ASIC2: variants seen among roughly 807,000 people sequenced by gnomAD.
The protein encoded by ASIC2 is acid sensing ion channel subunit 2, also known as acid-sensing ion channel 2.
In ASIC2, 25 loss-of-function variants were observed where a neutral mutation model predicts 57.3. The observed-to-expected ratio is 0.44, with a 90% CI of 0.32 to 0.61. The LOEUF (loss-of-function observed/expected upper bound fraction) is 0.61. ASIC2 is among the 20% of genes least tolerant of loss of function. The pLI is 0.06. For missense variants in ASIC2, 641 were observed against 738.1 expected (o/e 0.87, Z 1.52); for synonymous variants, 319 against 307.5 (o/e 1.04, Z -0.39).
intron 1 of ASIC2, among the ~76,000 whole-genome samples, chr17:33,451,336 C>T (rs1301489048): frequency 1.3e-5 from 2 of 152,128 alleles, no homozygotes; most frequent in Non-Finnish European, 2.9e-5. Context: ...GATTTACAGG[C>T]ATGAGCTACC....
chr17:33,155,534 T>TTTG (rs1368262081), intron 1 of ASIC2, among the ~76,000 whole-genome samples: 3 of 151,534 alleles, frequency 2.0e-5, no homozygotes, highest in African/African-American at 7.3e-5. Flanking sequence ...CTTACTTTTT[T>TTTG]TTTTTCTTTT....
At chr17:33,749,896 A>AGTG (rs1432851610) in intron 1 of ASIC2, among the ~76,000 whole-genome samples, 1 of 152,086 alleles carries the variant, frequency 6.6e-6, no homozygotes, top group African/African-American at 2.4e-5. Context: ...CCATGCTGCC[A>AGTG]ACTCCAAGGC....
intron 1 of ASIC2, among the ~76,000 whole-genome samples, chr17:33,831,396 C>T (rs919309867): frequency 1.3e-5 from 2 of 151,988 alleles, no homozygotes; most frequent in Non-Finnish European, 2.9e-5. Context: ...TGGGAAAGTT[C>T]CACAGTATCA....
chr17:33,545,181 A>G (rs993293702), intron 1 of ASIC2, among the ~76,000 whole-genome samples: 12 of 152,252 alleles, frequency 7.9e-5, no homozygotes, highest in Admixed American at 6.5e-4. Flanking sequence ...TTGCTTTACA[A>G]TTTCATTAAT....
chr17:33,591,557 G>A lies in ASIC2; in HGVS notation c.556-479490C>T, dbSNP rs148523473. 8.4e-3 allele frequency among the ~76,000 whole-genome samples: 1,285 copies of A among 152,220 alleles called. 15 individuals are homozygous for A. Among genetic ancestry groups the A allele is most frequent in the African/African-American group, 0.028 (1,178 of 41,526 alleles). On this transcript the variant is annotated intron_variant, in intron 1 of 9. Transcript: ENST00000359872. The stretch of plus-strand genomic sequence containing the variant: ...GGTGTCTCACTCCAATATCCTTTCT[G>A]GGCCATCCCCCCAGCTGCTAGGGGT...
At chr17:33,516,571 A>C (rs573635978) in intron 1 of ASIC2, among the ~76,000 whole-genome samples, 2 of 152,302 alleles carry the variant, frequency 1.3e-5, no homozygotes, top group East Asian at 3.9e-4. Flanking sequence ...TCTGGAGTGG[A>C]CCCTGGACAT....
At chr17:34,112,849 T>C (rs1598033065) in intron 1 of ASIC2, among the ~76,000 whole-genome samples, 1 of 152,160 alleles carries the variant, frequency 6.6e-6, no homozygotes, top group Admixed American at 6.5e-5. Context: ...ACACACTCAA[T>C]AGGATGAGAC....
intron 1 of ASIC2, among the ~76,000 whole-genome samples, chr17:33,756,644 C>T (rs1910612258): frequency 6.6e-6 from 1 of 152,214 alleles, no homozygotes; most frequent in African/African-American, 2.4e-5. Flanking sequence ...AAGGGCACTT[C>T]CTGCCCCTGC....
At chr17:33,407,953 T>A (rs1910525573) in intron 1 of ASIC2, among the ~76,000 whole-genome samples, 1 of 152,190 alleles carries the variant, frequency 6.6e-6, no homozygotes, top group South Asian at 2.1e-4. Context: ...AGCATGATGA[T>A]GTCACTTCCA....
At chr17:33,869,828 C>T (rs1914342907) in intron 1 of ASIC2, among the ~76,000 whole-genome samples, 2 of 152,160 alleles carry the variant, frequency 1.3e-5, no homozygotes, top group South Asian at 4.1e-4. Context: ...ATAATAGTTG[C>T]ACAACTCTGT....
intron 1 of ASIC2, among the ~76,000 whole-genome samples, chr17:33,570,310 C>G (rs758227203): frequency 2.2e-4 from 33 of 152,238 alleles, no homozygotes; most frequent in Non-Finnish European, 4.1e-4. Flanking sequence ...CCCATCAGGA[C>G]TCTGAGAAAT....
At chr17:33,605,772 A>T (rs939267609) in intron 1 of ASIC2, among the ~76,000 whole-genome samples, 2 of 152,176 alleles carry the variant, frequency 1.3e-5, no homozygotes, top group Non-Finnish European at 2.9e-5. Context: ...TAGACACAGC[A>T]CGTCCTGCCT....
intron 1 of ASIC2, among the ~76,000 whole-genome samples, chr17:33,646,027 T>A (rs1906728381): frequency 6.6e-6 from 1 of 152,108 alleles, no homozygotes; most frequent in Admixed American, 6.5e-5. Context: ...AGAGCTGGGA[T>A]CCAAATGCAC....
intron 1 of ASIC2, among the ~76,000 whole-genome samples, chr17:33,726,519 C>G (rs1349155341): frequency 6.6e-6 from 1 of 152,204 alleles, no homozygotes; most frequent in Non-Finnish European, 1.5e-5. Flanking sequence ...ACAAGGCAGC[C>G]TGCACCCCTC....
intron 1 of ASIC2, chr17:33,572,071 T>A (rs1916464999): frequency 6.6e-6 from 1 of 152,278 alleles, no homozygotes; most frequent in Admixed American, 6.5e-5. Flanking sequence ...ACTGACCACA[T>A]TGAGTGATGT....
chr17:34,086,195 T>C (rs1278287457), intron 1 of ASIC2, among the ~76,000 whole-genome samples: 4 of 149,450 alleles, frequency 2.7e-5, no homozygotes. Context: ...AATTTCCCTC[T>C]ACACACTGCT....
chr17:33,674,147 C>T (rs946026768), intron 1 of ASIC2, among the ~76,000 whole-genome samples: 2 of 152,152 alleles, frequency 1.3e-5, no homozygotes, highest in African/African-American at 4.8e-5. Context: ...CCCACCTCGG[C>T]CTCCCAAAGT....
At chr17:33,732,951 G>T (rs1166760011) in intron 1 of ASIC2, among the ~76,000 whole-genome samples, 1 of 152,142 alleles carries the variant, frequency 6.6e-6, no homozygotes, top group Non-Finnish European at 1.5e-5. Flanking sequence ...TAATGTCAAT[G>T]TTGATGTTTG....
intron 1 of ASIC2, among the ~76,000 whole-genome samples, chr17:33,355,068 C>T (rs543354474): frequency 2.0e-5 from 3 of 152,224 alleles, no homozygotes; most frequent in East Asian, 1.9e-4. Flanking sequence ...TGTGTATATT[C>T]GGAGTGCTAA....
Sources: allele counts gnomAD v4.1 joint callset (sites outside exome capture counted in the v4.1 genomes callset), GRCh38; gene constraint gnomAD v4.1.1; transcripts MANE v1.5; gene names NCBI Gene and HGNC (gene_info 2026-07-23, HGNC 2026-07-21).